The following CAMKMT variants were observed in gnomAD, a reference collection of about 807,000 sequenced individuals.
CAMKMT encodes the protein calmodulin-lysine N-methyltransferase, also known as CaM KMT.
CAMKMT carries 53 observed loss-of-function variants against 48.0 expected under a neutral mutation model. The observed-to-expected ratio is 1.10, with a 90% CI of 0.89 to 1.39. The LOEUF (loss-of-function observed/expected upper bound fraction) is 1.39. Ranked by LOEUF, CAMKMT falls within the 40% of genes most tolerant of loss-of-function variation. CAMKMT has a pLI of 0.00. For missense variants in CAMKMT, 428 were observed against 402.7 expected (o/e 1.06, Z -0.54); for synonymous variants, 165 against 152.3 (o/e 1.08, Z -0.61).
intron 3 of CAMKMT, among the ~76,000 whole-genome samples, chr2:44,671,447 G>T (rs769479773): frequency 3.3e-5 from 5 of 152,222 alleles, no homozygotes; most frequent in Non-Finnish European, 5.9e-5. Flanking sequence ...TTTAGAGCCA[G>T]GTTTCCCAGC....
At chr2:44,709,463 A>T (rs1677753168) in intron 6 of CAMKMT, among the ~76,000 whole-genome samples, 1 of 151,872 alleles carries the variant, frequency 6.6e-6, no homozygotes, top group Non-Finnish European at 1.5e-5. Flanking sequence ...ACCAGATCTA[A>T]TTTTTTTTAA....
intron 2 of CAMKMT, among the ~76,000 whole-genome samples, chr2:44,381,021 G>T (rs192171070): frequency 7.2e-5 from 11 of 152,150 alleles, no homozygotes; most frequent in African/African-American, 2.7e-4. Flanking sequence ...TTAGCCGGGA[G>T]TGGTGGCAGA....
chr2:44,454,280 A>T (rs1667445291), intron 3 of CAMKMT, among the ~76,000 whole-genome samples: 1 of 152,158 alleles, frequency 6.6e-6, no homozygotes, highest in Admixed American at 6.6e-5. Flanking sequence ...CTTTTAAAAT[A>T]GAGACTTCAG....
intron 3 of CAMKMT, among the ~76,000 whole-genome samples, chr2:44,436,623 G>A (rs1217346645): frequency 4.0e-5 from 6 of 151,082 alleles, no homozygotes; most frequent in Admixed American, 4.0e-4. Context: ...CTTAACTCCA[G>A]GGCCATACAA....
At chr2:44,627,008 T>G (rs1672518678) in intron 3 of CAMKMT, among the ~76,000 whole-genome samples, 1 of 152,180 alleles carries the variant, frequency 6.6e-6, no homozygotes, top group Non-Finnish European at 1.5e-5. Flanking sequence ...AAGTATAGAT[T>G]TTTTTGGTGA....
intron 3 of CAMKMT, among the ~76,000 whole-genome samples, chr2:44,395,722 CTG>C (rs1681771824): frequency 6.6e-6 from 1 of 152,082 alleles, no homozygotes; most frequent in East Asian, 1.9e-4. Flanking sequence ...ACCAAGTAAA[CTG>C]TAAATAGTAT....
At chr2:44,638,854 G>C (rs1015523955) in intron 3 of CAMKMT, among the ~76,000 whole-genome samples, 4 of 152,142 alleles carry the variant, frequency 2.6e-5, no homozygotes, top group African/African-American at 7.2e-5. Context: ...CAGAGGCCTT[G>C]GACTGCCAGT....
intron 3 of CAMKMT, among the ~76,000 whole-genome samples, chr2:44,597,516 C>A (rs1355946328): frequency 3.3e-5 from 5 of 152,178 alleles, no homozygotes; most frequent in African/African-American, 1.2e-4. Context: ...TGTAAGTATG[C>A]ATATTATAAT....
chr2:44,566,990 T>C (rs939253642), intron 3 of CAMKMT, among the ~76,000 whole-genome samples: 37 of 152,126 alleles, frequency 2.4e-4, no homozygotes, highest in African/African-American at 7.5e-4. Context: ...TTGGGTGTCA[T>C]TGTATAGCCA....
In CAMKMT at chr2:44,772,152, G is replaced by A. The variant is rs764862253; in HGVS notation, c.*39G>A. 1 of 1,533,038 alleles carries A rather than the reference G, an allele frequency of 6.5e-7. No homozygotes were observed. Among genetic ancestry groups the A allele is most frequent in the South Asian group, 1.1e-5 (1 of 87,538 alleles). The allele number at this position is 1,533,038 out of a possible 1,614,324, so 95.0% of individuals were successfully genotyped here. A position where few individuals can be genotyped will look rare whatever the true frequency, so the allele number is the denominator to read the frequency against. Reference sequence around the variant, plus strand: ...TCAAAGACGAAGAAACGTATCAAGTGCATAGGGAATATTTTTACAAAAACG... The same window carrying A: ...TCAAAGACGAAGAAACGTATCAAGTACATAGGGAATATTTTTACAAAAACG... On this transcript the variant is annotated 3_prime_UTR_variant, in exon 11 of 11. Transcript: ENST00000378494.
At chr2:44,537,560 T>C (rs975657033) in intron 3 of CAMKMT, among the ~76,000 whole-genome samples, 9 of 151,384 alleles carry the variant, frequency 5.9e-5, no homozygotes, top group Admixed American at 1.3e-4. Flanking sequence ...AGGGAACTCT[T>C]TTTTTTTTCT....
intron 3 of CAMKMT, among the ~76,000 whole-genome samples, chr2:44,667,469 G>T (rs940452048): frequency 2.6e-5 from 4 of 152,128 alleles, no homozygotes; most frequent in Admixed American, 6.5e-5. Context: ...TAAAGCACAA[G>T]TTGCTATTAT....
chr2:44,478,991 G>A (rs1035629308), intron 3 of CAMKMT, among the ~76,000 whole-genome samples: 8 of 152,236 alleles, frequency 5.3e-5, no homozygotes, highest in African/African-American at 1.7e-4. Flanking sequence ...GAGCCACCGC[G>A]CCCGGCAATT....
intron 1 of CAMKMT, among the ~76,000 whole-genome samples, chr2:44,369,113 G>A (rs1678910827): frequency 6.6e-6 from 1 of 151,952 alleles, no homozygotes; most frequent in Non-Finnish European, 1.5e-5. Context: ...CGAACTCCTG[G>A]CCTCCAGTGA....
intron 3 of CAMKMT, among the ~76,000 whole-genome samples, chr2:44,414,082 T>TAG (rs1683391841): frequency 1.3e-5 from 2 of 152,186 alleles, no homozygotes; most frequent in Non-Finnish European, 2.9e-5. Flanking sequence ...TGATACCCTC[T>TAG]CCCAAACCTG....
chr2:44,459,275 C>G (rs571498617), intron 3 of CAMKMT, among the ~76,000 whole-genome samples: 45 of 152,194 alleles, frequency 3.0e-4, no homozygotes, highest in African/African-American at 1.1e-3. Context: ...TAAAGATTTA[C>G]AATTAAAGTC....
intron 3 of CAMKMT, among the ~76,000 whole-genome samples, chr2:44,692,299 G>A (rs1474885416): frequency 1.3e-5 from 2 of 151,926 alleles, no homozygotes; most frequent in East Asian, 3.9e-4. Flanking sequence ...ACTTCTGAAT[G>A]TCTTACATGC....
intron 3 of CAMKMT, among the ~76,000 whole-genome samples, chr2:44,429,277 A>G (rs201008024): frequency 0.04 from 5,870 of 147,060 alleles, 384 homozygotes; most frequent in African/African-American, 0.14. Flanking sequence ...GTGTGTGTGT[A>G]TGTGTGTGTG....
intron 3 of CAMKMT, among the ~76,000 whole-genome samples, chr2:44,464,135 A>G (rs1667991165): frequency 6.6e-6 from 1 of 152,218 alleles, no homozygotes; most frequent in African/African-American, 2.4e-5. Context: ...ATGAACAAAG[A>G]TATAGAAACT....
Sources: allele counts gnomAD v4.1 joint callset (sites outside exome capture counted in the v4.1 genomes callset), GRCh38; gene constraint gnomAD v4.1.1; transcripts MANE v1.5; gene names NCBI Gene and HGNC (gene_info 2026-07-23, HGNC 2026-07-21).